DLGAP5: variants seen among roughly 807,000 people sequenced by gnomAD.
The protein encoded by DLGAP5 is DLG associated protein 5, also known as disks large-associated protein 5.
In DLGAP5, 90 loss-of-function variants were observed where a neutral mutation model predicts 99.6. The ratio of observed to expected loss-of-function variants is 0.90; its 90% CI spans 0.76 to 1.08. The LOEUF (loss-of-function observed/expected upper bound fraction) is 1.08, where lower values mean the gene tolerates loss of function less well. Among genes scored for constraint, DLGAP5 ranks in the 50% least tolerant of loss-of-function variants. The pLI, the probability that DLGAP5 is intolerant of heterozygous loss-of-function variation, is 0.00. For synonymous variants in DLGAP5, 311 were observed against 321.3 expected (o/e 0.97, Z 0.34); for missense variants, 1,036 against 983.5 (o/e 1.05, Z -0.71).
At chr14:55,168,383 G>T (rs921312518) in intron 12 of DLGAP5, among the ~76,000 whole-genome samples, 1 of 152,142 alleles carries the variant, frequency 6.6e-6, no homozygotes, top group African/African-American at 2.4e-5. Flanking sequence ...CAGATGAAAC[G>T]TCTGGTCTCT....
intron 18 of DLGAP5, among the ~76,000 whole-genome samples, chr14:55,149,984 C>G (rs746160249): frequency 2.0e-5 from 3 of 149,446 alleles, no homozygotes; most frequent in Admixed American, 1.3e-4. Context: ...ACCCAGGAGG[C>G]AGAGGTTACA....
intron 6 of DLGAP5, among the ~76,000 whole-genome samples, chr14:55,180,263 C>T (rs1030308906): frequency 6.6e-6 from 1 of 152,170 alleles, no homozygotes; most frequent in Non-Finnish European, 1.5e-5. Flanking sequence ...CACATATTCC[C>T]ATAATGCTTT....
Position 55,148,348 on chromosome 14 carries a change from A to G in DLGAP5, c.*3T>C, listed in dbSNP as rs1419450736. The G allele has an allele frequency of 1.2e-6, 2 of 1,612,650 alleles. No individual in the cohort carries two copies. Among genetic ancestry groups the G allele is most frequent in the Non-Finnish European group, 1.7e-6 (2 of 1,179,514 alleles). On this transcript the variant is annotated 3_prime_UTR_variant, in exon 19 of 19. Transcript: ENST00000247191. ...AGGAAAATGTTTGGATTTATTTTTA[A>G]ATTCAAAATTCTCCTGGTTGTAGAG...
intron 13 of DLGAP5, among the ~76,000 whole-genome samples, chr14:55,162,656 T>C (rs538057087): frequency 7.9e-5 from 12 of 151,058 alleles, no homozygotes; most frequent in African/African-American, 2.9e-4. Flanking sequence ...AAACCAACAC[T>C]CATATATCCA....
Position 55,189,118 on chromosome 14 carries a change from G to A in DLGAP5, c.62C>T (p.Thr21Ile). 1 of 1,613,862 alleles carries A rather than the reference G, an allele frequency of 6.2e-7. No homozygotes were observed. The highest frequency in any genetic ancestry group is 8.5e-7 in the Non-Finnish European group (1 of 1,179,936). Reference sequence around the variant, plus strand: ...CAGTGATTTCCTATGAGCAATTTTAGTTCTAATCATTTCAGTACTTATATC... The same window carrying A: ...CAGTGATTTCCTATGAGCAATTTTAATTCTAATCATTTCAGTACTTATATC... ...RKDISTEMIR[T>I]KIAHRKSLSQ... The change falls in exon 2 of 19, where the codon ACT (threonine) becomes ATT (isoleucine). Residue 21 changes from threonine to isoleucine, a missense_variant. Coordinates refer to ENST00000247191, the MANE Select transcript of DLGAP5 (RefSeq NM_014750.5).
chr14:55,177,447 T>A, intron 7 of DLGAP5, 111 bp from the exon 8 acceptor site: 1 of 1,004,060 alleles, frequency 1.0e-6, no homozygotes, highest in Non-Finnish European at 1.4e-6. Context: ...TCTATGTACA[T>A]AATTTGAGAG....
At chr14:55,180,262 C>T (rs143896887) in intron 6 of DLGAP5, among the ~76,000 whole-genome samples, 62 of 152,250 alleles carry the variant, frequency 4.1e-4, no homozygotes, top group Non-Finnish European at 8.2e-4. Context: ...CCACATATTC[C>T]CATAATGCTT....
intron 1 of DLGAP5, among the ~76,000 whole-genome samples, chr14:55,189,618 C>A (rs932343959): frequency 6.6e-6 from 1 of 152,126 alleles, no homozygotes; most frequent in Non-Finnish European, 1.5e-5. Flanking sequence ...ACACCAGGTA[C>A]CTATTAGTCA....
At chr14:55,169,248 C>CATGTTTT (rs1566500683) in intron 12 of DLGAP5, 151 bp downstream of exon 12, 3 of 370,208 alleles carry the variant, frequency 8.1e-6, no homozygotes, top group Non-Finnish European at 1.4e-5. Context: ...AAATTTAGAT[C>CATGTTTT]ATGTTTTACA....
At position 55,176,297 on chromosome 14, in the gene DLGAP5, G is replaced by A. The variant is rs1009871278; in HGVS notation, c.1050-279C>T. Among the ~76,000 whole-genome samples the A allele has an allele frequency of 6.6e-5, 10 of 152,194 alleles. No homozygotes were observed. In the South Asian group the frequency reaches 1.5e-3, roughly 22 times the overall value. On this transcript the variant is annotated intron_variant, in intron 8 of 18. Coordinates refer to ENST00000247191, the MANE Select transcript of DLGAP5 (RefSeq NM_014750.5). ...CTGCTGAGCAGTTTTTAGTATATTT[G>A]CTGCCAGCCAGTCTTTGCAAAATGA...
chr14:55,171,481 T>C (rs998881785), intron 10 of DLGAP5, among the ~76,000 whole-genome samples: 3 of 152,212 alleles, frequency 2.0e-5, no homozygotes, highest in Non-Finnish European at 2.9e-5. Context: ...AAAAGTATCC[T>C]AGCATGTAGA....
chr14:55,172,179 TA>T (rs35259527), intron 10 of DLGAP5, among the ~76,000 whole-genome samples: 40,281 of 139,686 alleles, frequency 0.29, 10,587 homozygotes, highest in African/African-American at 0.71. Context: ...TTTGTTTCTT[TA>T]AAAAAAAAAA....
intron 14 of DLGAP5, among the ~76,000 whole-genome samples, chr14:55,155,339 C>T (rs1882173531): frequency 6.9e-6 from 1 of 144,748 alleles, no homozygotes; most frequent in Non-Finnish European, 1.5e-5. Context: ...CAGAGATAAC[C>T]TTTTTTTTTG....
At chr14:55,152,867 G>A (rs1026936437) in intron 15 of DLGAP5, among the ~76,000 whole-genome samples, 3 of 152,196 alleles carry the variant, frequency 2.0e-5, no homozygotes, top group Non-Finnish European at 4.4e-5. Context: ...AAGCTCACAA[G>A]TCTGTTACCA....
At chr14:55,154,874 G>T in intron 14 of DLGAP5, 68 bp from the exon 15 acceptor site, 1 of 1,379,644 alleles carries the variant, frequency 7.2e-7, no homozygotes, top group Non-Finnish European at 1.0e-6. Flanking sequence ...CTAGGAATAC[G>T]GTGAAAATCC....
chr14:55,176,978 A>G (rs1229175876), intron 8 of DLGAP5, 84 bp downstream of exon 8: 59 of 331,700 alleles, frequency 1.8e-4, no homozygotes, highest in Middle Eastern at 1.3e-3. Context: ...CTCCGTCTGA[A>G]AAAAAAAAAA....
intron 3 of DLGAP5, 44 bp downstream of exon 3, chr14:55,183,516 C>G: frequency 1.4e-6 from 2 of 1,448,108 alleles, no homozygotes; most frequent in Non-Finnish European, 1.8e-6. Context: ...AAGAAAATAC[C>G]AAATAAAAGA....
At chr14:55,180,540 T>C (rs1376927789) in intron 6 of DLGAP5, 116 bp downstream of exon 6, 1 of 1,420,942 alleles carries the variant, frequency 7.0e-7, no homozygotes, top group African/African-American at 1.4e-5. Flanking sequence ...GGTATTAGAA[T>C]TTCCTGTTTC....
intron 10 of DLGAP5, among the ~76,000 whole-genome samples, chr14:55,172,955 C>T (rs1481064342): frequency 7.8e-6 from 1 of 128,614 alleles, no homozygotes; most frequent in Non-Finnish European, 1.5e-5. Context: ...GCACTCCGGC[C>T]TGGGCAACAG....
Sources: allele counts gnomAD v4.1 joint callset (sites outside exome capture counted in the v4.1 genomes callset), GRCh38; gene constraint gnomAD v4.1.1; transcripts MANE v1.5; gene names NCBI Gene and HGNC (gene_info 2026-07-23, HGNC 2026-07-21).